Variants in ATF2 observed in about 807,000 individuals in gnomAD.
The protein encoded by ATF2 is activating transcription factor 2.
ATF2 carries 24 observed loss-of-function variants against 60.6 expected under a neutral mutation model. The ratio of observed to expected loss-of-function variants is 0.40; its 90% CI spans 0.29 to 0.56. The LOEUF (loss-of-function observed/expected upper bound fraction) is 0.56. Among genes scored for constraint, ATF2 ranks in the 20% least tolerant of loss-of-function variants. The probability of loss-of-function intolerance (pLI) is 0.54; values close to 1 mark genes in which losing one functional copy is unlikely to be tolerated. For synonymous variants in ATF2, 206 were observed against 215.4 expected, an observed-to-expected ratio of 0.96 and a Z score of 0.38; for missense variants, 433 against 607.7, an observed-to-expected ratio of 0.71 and a Z score of 3.02.
chr2:175,084,756 T>C (rs939478761), intron 12 of ATF2, among the ~76,000 whole-genome samples: 7 of 152,068 alleles, frequency 4.6e-5, no homozygotes, highest in African/African-American at 1.7e-4. Context: ...ATCTCTTCCA[T>C]AGTACTTATC....
At chr2:175,113,833 T>C (rs569193693) in intron 9 of ATF2, among the ~76,000 whole-genome samples, 161 bp downstream of exon 9, 8 of 151,716 alleles carry the variant, frequency 5.3e-5, no homozygotes, top group African/African-American at 1.9e-4. Flanking sequence ...AGCTATACCT[T>C]GAATGGTATA....
At chr2:175,085,474 G>T (rs983292078) in intron 12 of ATF2, among the ~76,000 whole-genome samples, 2 of 151,810 alleles carry the variant, frequency 1.3e-5, no homozygotes, top group African/African-American at 4.8e-5. Flanking sequence ...GGTGGAGGTT[G>T]CACCACTGCA....
chr2:175,073,101 G>C lies in ATF2; in HGVS notation c.*1508C>G, dbSNP rs1020833687. On this transcript the variant is annotated 3_prime_UTR_variant, in exon 14 of 14. Transcript: ENST00000264110. ...GTGGAATCCTGCTTGAATGCCAGAA[G>C]TTGCTACTGGGTAGGACTCATAACT... The C allele has an allele frequency of 6.6e-6, 1 of 152,096 alleles. No individual in the cohort carries two copies. Among genetic ancestry groups the C allele is most frequent in the African/African-American group, 2.4e-5 (1 of 41,424 alleles). 9.4% of individuals were successfully genotyped at this position (152,096 alleles called of 1,614,324 possible). A position where few individuals can be genotyped will look rare whatever the true frequency, so the allele number is the denominator to read the frequency against.
chr2:175,142,410 C>T (rs910118134), intron 2 of ATF2, among the ~76,000 whole-genome samples: 10 of 151,798 alleles, frequency 6.6e-5, no homozygotes, highest in Admixed American at 3.3e-4. Flanking sequence ...CTCAGGTGAT[C>T]CACGCCTTGG....
At chr2:175,096,965 A>T (rs1400591160) in intron 11 of ATF2, among the ~76,000 whole-genome samples, 1 of 152,208 alleles carries the variant, frequency 6.6e-6, no homozygotes, top group African/African-American at 2.4e-5. Flanking sequence ...ATCTAGTGTT[A>T]ATAGTTACAG....
At chr2:175,092,717 C>A in intron 12 of ATF2, 2 of 349,944 alleles carry the variant, frequency 5.7e-6, no homozygotes, top group Non-Finnish European at 5.4e-6. Flanking sequence ...TGCTATAAAC[C>A]AAAAAAATAG....
intron 1 of ATF2, among the ~76,000 whole-genome samples, chr2:175,153,175 T>TA (rs1159412325): frequency 6.6e-6 from 1 of 152,220 alleles, no homozygotes; most frequent in Non-Finnish European, 1.5e-5. Context: ...AATGTTAAGA[T>TA]AATCACCCAG....
Position 175,160,801 on chromosome 2 carries a change from G to C in ATF2, c.-143+7249C>G, listed in dbSNP as rs142274074. Among the ~76,000 whole-genome samples the C allele has an allele frequency of 4.2e-3, 638 of 152,238 alleles. 1 individual carries two copies. The highest frequency in any genetic ancestry group is 0.031 in the Middle Eastern group (9 of 294). ...GCAGCCTGTAATCCCAGCACTTTGTGATACTGAGGTGGGAGGATCGCTTGA... is the reference window on the plus strand; with the variant it reads ...GCAGCCTGTAATCCCAGCACTTTGTCATACTGAGGTGGGAGGATCGCTTGA... On this transcript the variant is annotated intron_variant, in intron 1 of 13. Transcript: ENST00000264110.
At chr2:175,148,856 C>A (rs909514973) in intron 2 of ATF2, among the ~76,000 whole-genome samples, 3 of 152,102 alleles carry the variant, frequency 2.0e-5, no homozygotes, top group African/African-American at 7.2e-5. Context: ...CCCCACCCCC[C>A]AAACTTCCAG....
At chr2:175,076,745 CT>C (rs796927121) in intron 13 of ATF2, among the ~76,000 whole-genome samples, 216 of 139,668 alleles carry the variant, frequency 1.5e-3, no homozygotes, top group Middle Eastern at 7.2e-3. Flanking sequence ...CACCACTATT[CT>C]TTTTTTTTTT....
intron 1 of ATF2, among the ~76,000 whole-genome samples, chr2:175,151,898 T>A (rs1212061572): frequency 6.6e-6 from 1 of 152,168 alleles, no homozygotes; most frequent in Non-Finnish European, 1.5e-5. Context: ...CATCTGCTGA[T>A]CAGACAGCAA....
intron 1 of ATF2, among the ~76,000 whole-genome samples, chr2:175,161,263 C>A (rs1574513847): frequency 6.6e-6 from 1 of 152,146 alleles, no homozygotes; most frequent in Non-Finnish European, 1.5e-5. Flanking sequence ...AACTTTGTTG[C>A]CAAAGCTACC....
At chr2:175,108,794 T>C (rs200801513) in intron 10 of ATF2, among the ~76,000 whole-genome samples, 1 of 144,366 alleles carries the variant, frequency 6.9e-6, no homozygotes, top group Non-Finnish European at 1.5e-5. Context: ...GTGTAGAAAG[T>C]AGACATGGGA....
chr2:175,095,784 G>GT (rs1694894344), intron 11 of ATF2, among the ~76,000 whole-genome samples: 2 of 152,182 alleles, frequency 1.3e-5, no homozygotes, highest in Non-Finnish European at 2.9e-5. Context: ...GGAAACTATA[G>GT]TTAGTGCAAG....
At chr2:175,149,784 C>T (rs1699188639) in intron 2 of ATF2, among the ~76,000 whole-genome samples, 1 of 152,140 alleles carries the variant, frequency 6.6e-6, no homozygotes, top group Non-Finnish European at 1.5e-5. Context: ...CTGGCTCTAG[C>T]TATGCAGGCT....
intron 2 of ATF2, among the ~76,000 whole-genome samples, chr2:175,144,119 A>G (rs1189709266): frequency 1.3e-5 from 2 of 152,104 alleles, no homozygotes; most frequent in African/African-American, 4.8e-5. Context: ...TTAAAAAAAA[A>G]TGTTAGTTAA....
At chr2:175,118,445 A>T in intron 5 of ATF2, 76 bp from the exon 6 acceptor site, 1 of 1,208,926 alleles carries the variant, frequency 8.3e-7, no homozygotes, top group Non-Finnish European at 1.2e-6. Context: ...TAAGTTAACA[A>T]ATTAGCAGGA....
In ATF2 at chr2:175,093,229, T is replaced by C; in HGVS notation, c.1017A>G (p.Thr339=). ...PAHTTPQTQS[T]SGRRRRAANE... ...TAGCTGCTCTTCTCCGACGACCACT[T>C]GTACTTTGGGTCTGTGGAGTTGTGT... Residue 339 remains threonine (T), a synonymous_variant, in exon 12 of 14, where the codon ACA becomes ACG. Transcript: ENST00000264110. 1 of 1,614,100 alleles carries C rather than the reference T, an allele frequency of 6.2e-7. No individual in the cohort carries two copies. The highest frequency in any genetic ancestry group is 1.6e-4 in the Middle Eastern group (1 of 6,062).
rs191985374 is a variant in ATF2 at position 175,092,813 on chromosome 2, T to C, written c.1185+248A>G. On this transcript the variant is annotated intron_variant, in intron 12 of 13. Coordinates refer to ENST00000264110, the MANE Select transcript of ATF2 (RefSeq NM_001880.4). The stretch of plus-strand genomic sequence containing the variant: ...ACAACTTTATAAAGTTCAAACCGGA[T>C]AGTTTAGCTACTTTTGTACACAGGT... Among the ~76,000 whole-genome samples, 5 of 152,358 alleles carry C rather than the reference T, an allele frequency of 3.3e-5. No homozygotes were observed. In the East Asian group the frequency reaches 5.8e-4, roughly 18 times the overall value.
Sources: gnomAD v4.1 joint callset for allele counts (sites outside exome capture counted in the v4.1 genomes callset) on GRCh38, gnomAD v4.1.1 for gene constraint, MANE v1.5 for transcripts, NCBI Gene and HGNC (gene_info 2026-07-23, HGNC 2026-07-21) for gene names.